ZFYVE9: variants seen among roughly 807,000 people sequenced by gnomAD.
ZFYVE9 encodes the protein zinc finger FYVE domain-containing protein 9.
ZFYVE9 carries 43 observed loss-of-function variants against 126.7 expected under a neutral mutation model. The ratio of observed to expected loss-of-function variants is 0.34; its 90% CI spans 0.27 to 0.44. The LOEUF is 0.44. Among genes scored for constraint, ZFYVE9 ranks in the 20% least tolerant of loss-of-function variants. The pLI, the probability that ZFYVE9 is intolerant of heterozygous loss-of-function variation, is 1.00. For synonymous variants in ZFYVE9, 521 were observed against 597.4 expected (o/e 0.87, Z 1.87); for missense variants, 1,476 against 1,697.0 (o/e 0.87, Z 2.29).
At chr1:52,319,195 C>T (rs550971126) in intron 13 of ZFYVE9, among the ~76,000 whole-genome samples, 8 of 152,110 alleles carry the variant, frequency 5.3e-5, no homozygotes, top group East Asian at 1.9e-4. Flanking sequence ...AATATTGTTA[C>T]GAGAATTTAA....
intron 9 of ZFYVE9, among the ~76,000 whole-genome samples, chr1:52,279,675 C>T (rs1355179277): frequency 6.6e-6 from 1 of 152,206 alleles, no homozygotes; most frequent in African/African-American, 2.4e-5. Context: ...CACCATGTTG[C>T]CCAGGTTGTT....
At chr1:52,304,410 C>T (rs538770688) in intron 13 of ZFYVE9, among the ~76,000 whole-genome samples, 3 of 151,692 alleles carry the variant, frequency 2.0e-5, no homozygotes, top group Admixed American at 6.6e-5. Context: ...TTACAGGCAC[C>T]CGCCACCATG....
chr1:52,274,347 CT>C (rs1645724138), intron 7 of ZFYVE9, 116 bp from the exon 8 acceptor site: 1 of 1,289,042 alleles, frequency 7.8e-7, no homozygotes, highest in Non-Finnish European at 1.0e-6. Flanking sequence ...TTTGTGCTAC[CT>C]TTCAAAAAGT....
At chr1:52,268,852 C>G (rs781310805) in intron 7 of ZFYVE9, among the ~76,000 whole-genome samples, 1 of 152,200 alleles carries the variant, frequency 6.6e-6, no homozygotes, top group African/African-American at 2.4e-5. Flanking sequence ...GAAGATTGTT[C>G]TCAGATGAGC....
chr1:52,205,578 G>A (rs989176545), intron 1 of ZFYVE9, among the ~76,000 whole-genome samples: 1 of 145,906 alleles, frequency 6.9e-6, no homozygotes, highest in Admixed American at 6.9e-5. Flanking sequence ...TCGCTATGTT[G>A]CCCAGACTAG....
At chr1:52,283,894 G>T (rs1645828643) in intron 10 of ZFYVE9, among the ~76,000 whole-genome samples, 1 of 152,096 alleles carries the variant, frequency 6.6e-6, no homozygotes, top group African/African-American at 2.4e-5. Context: ...AAAAGATATT[G>T]CAGGAATCCA....
At chr1:52,324,071 A>AG (rs1646267187) in intron 13 of ZFYVE9, among the ~76,000 whole-genome samples, 1 of 151,846 alleles carries the variant, frequency 6.6e-6, no homozygotes, top group East Asian at 1.9e-4. Flanking sequence ...AAAAAAAAAA[A>AG]TAACCACAAA....
intron 1 of ZFYVE9, chr1:52,180,608 G>T: frequency 3.7e-6 from 2 of 545,430 alleles, no homozygotes; most frequent in Non-Finnish European, 3.3e-6. Flanking sequence ...TTTTAAAAAA[G>T]GATAAAGTAA....
intron 1 of ZFYVE9, among the ~76,000 whole-genome samples, chr1:52,181,862 A>G (rs1230262567): frequency 7.3e-6 from 1 of 136,218 alleles, no homozygotes. Flanking sequence ...GCCCCGTCTG[A>G]GAAGCGAGGA....
At chr1:52,267,127 G>A (rs1645641193) in intron 6 of ZFYVE9, among the ~76,000 whole-genome samples, 1 of 152,176 alleles carries the variant, frequency 6.6e-6, no homozygotes, top group Non-Finnish European at 1.5e-5. Context: ...AGAATTTGAA[G>A]TCAATCTGTA....
chr1:52,186,440 A>T (rs749123752), intron 1 of ZFYVE9, among the ~76,000 whole-genome samples: 1 of 152,136 alleles, frequency 6.6e-6, no homozygotes, highest in Non-Finnish European at 1.5e-5. Flanking sequence ...CACTACTCCT[A>T]TTCAGCACAG....
At chr1:52,311,185 G>A (rs1179406380) in intron 13 of ZFYVE9, among the ~76,000 whole-genome samples, 1 of 151,436 alleles carries the variant, frequency 6.6e-6, no homozygotes, top group Non-Finnish European at 1.5e-5. Flanking sequence ...TATTTAATAT[G>A]TTTGTTTAAG....
chr1:52,324,308 A>G (rs181521660), intron 13 of ZFYVE9, among the ~76,000 whole-genome samples: 1,965 of 152,298 alleles, frequency 0.013, 170 homozygotes, highest in Admixed American at 0.12. Context: ...AACAGATTGA[A>G]TGAAGACTCA....
Position 52,237,956 on chromosome 1 carries a change from C to G in ZFYVE9, c.539C>G (p.Ala180Gly), listed in dbSNP as rs772481008. 2.1e-5 allele frequency: 34 copies of G among 1,613,870 alleles called. No individual in the cohort carries two copies. Among genetic ancestry groups the G allele is most frequent in the Non-Finnish European group, 2.7e-5 (32 of 1,179,954 alleles). Residue 180 changes from alanine to glycine, a missense_variant, in exon 4 of 19, where the codon GCT becomes GGT. This residue lies in a region of ZFYVE9 where 807 missense variants were observed against 794.6 expected (regional missense o/e 1.02). Transcript: ENST00000287727. The stretch of plus-strand genomic sequence containing the variant: ...TATAATAGTCAATCCCTTATGGATG[C>G]TTTTAGCTGTTCACTGGATAATGAA... ...NNYNSQSLMD[A>G]FSCSLDNENR...
chr1:52,185,768 A>G (rs1644759146), intron 1 of ZFYVE9, among the ~76,000 whole-genome samples: 1 of 151,818 alleles, frequency 6.6e-6, no homozygotes, highest in African/African-American at 2.4e-5. Context: ...CTAAAAATAT[A>G]AAAATTAGCT....
At chr1:52,327,021 C>T (rs767305774) in intron 13 of ZFYVE9, among the ~76,000 whole-genome samples, 20 of 151,484 alleles carry the variant, frequency 1.3e-4, no homozygotes, top group Admixed American at 2.6e-4. Context: ...ATTAGCTGGG[C>T]ATGGTGGCAT....
rs570820903 is a variant in ZFYVE9 at position 52,334,673 on chromosome 1, C to G, written c.3590-15C>G. The G allele has an allele frequency of 1.9e-6, 3 of 1,612,754 alleles. No homozygotes were observed. Among genetic ancestry groups the G allele is most frequent in the African/African-American group, 1.3e-5 (1 of 74,858 alleles). On this transcript the variant is annotated splice_polypyrimidine_tract_variant and intron_variant, in intron 14 of 18. Coordinates refer to ENST00000287727, the MANE Select transcript of ZFYVE9 (RefSeq NM_004799.4). ...TAGGGTCTGTCTTACTAAACTATTT[C>G]TATTGCTGTTTTAGTGACTGGTGCC...
Position 52,266,206 on chromosome 1 carries a change from T to C in ZFYVE9, c.2279-449T>C, listed in dbSNP as rs139169767. ...TCCACCTCCCGGGTTCATGCCATTC[T>C]CCTGCCTCAGCCTCCCAAGTAGCTG... On this transcript the variant is annotated intron_variant, in intron 5 of 18. Coordinates refer to ENST00000287727, the MANE Select transcript of ZFYVE9 (RefSeq NM_004799.4). Among the ~76,000 whole-genome samples the C allele has an allele frequency of 2.4e-3, 372 of 152,020 alleles. 12 individuals carry two copies. In the South Asian group the frequency reaches 0.043, roughly 18 times the overall value.
At chr1:52,276,881 C>T (rs1645753498) in intron 8 of ZFYVE9, among the ~76,000 whole-genome samples, 1 of 152,178 alleles carries the variant, frequency 6.6e-6, no homozygotes, top group African/African-American at 2.4e-5. Flanking sequence ...TGAAATTCTT[C>T]ATCTTATTTT....
Sources: allele counts gnomAD v4.1 joint callset (sites outside exome capture counted in the v4.1 genomes callset), GRCh38; gene constraint gnomAD v4.1.1; regional missense constraint gnomAD v4.1.1; transcripts MANE v1.5; gene names NCBI Gene and HGNC (gene_info 2026-07-23, HGNC 2026-07-21).